MEIS2: variants seen among roughly 807,000 people sequenced by gnomAD.
MEIS2 encodes the protein Meis homeobox 2.
A neutral mutation model predicts 58.6 loss-of-function variants in MEIS2; 9 were observed. That is an observed-to-expected ratio of 0.15 (90% CI 0.09 to 0.27). MEIS2 has a LOEUF of 0.27. Ranked by LOEUF, MEIS2 falls within the 10% of genes least tolerant of loss-of-function variation. MEIS2 has a pLI of 1.00. For synonymous variants in MEIS2, 221 were observed against 228.4 expected (o/e 0.97, Z 0.29); for missense variants, 427 against 635.0 (o/e 0.67, Z 3.52).
At chr15:37,085,943 G>GA (rs1424784236) in intron 6 of MEIS2, among the ~76,000 whole-genome samples, 1 of 150,144 alleles carries the variant, frequency 6.7e-6, no homozygotes, top group African/African-American at 2.4e-5. Context: ...GAATTACATG[G>GA]AAAAAAAAAG....
At chr15:37,082,397 G>A (rs532062961) in intron 7 of MEIS2, among the ~76,000 whole-genome samples, 18 of 152,002 alleles carry the variant, frequency 1.2e-4, no homozygotes, top group Non-Finnish European at 2.4e-4. Flanking sequence ...CCTTTGTGTC[G>A]CCGCAATTTG....
intron 9 of MEIS2, among the ~76,000 whole-genome samples, chr15:36,938,754 G>T (rs1437180434): frequency 3.3e-5 from 5 of 152,096 alleles, no homozygotes; most frequent in Non-Finnish European, 7.4e-5. Flanking sequence ...AGATAGAAAG[G>T]ACCTTAAAAA....
intron 7 of MEIS2, among the ~76,000 whole-genome samples, chr15:37,082,380 A>C (rs1892348629): frequency 6.6e-6 from 1 of 151,990 alleles, no homozygotes; most frequent in African/African-American, 2.4e-5. Flanking sequence ...TAATAGATAC[A>C]TTTCACCCTT....
At chr15:37,031,571 G>C (rs1326233868) in intron 8 of MEIS2, among the ~76,000 whole-genome samples, 1 of 152,016 alleles carries the variant, frequency 6.6e-6, no homozygotes, top group African/African-American at 2.4e-5. Context: ...TGGGTGCACT[G>C]TCTCTGTAGG....
intron 7 of MEIS2, among the ~76,000 whole-genome samples, chr15:37,067,501 A>G (rs1409508670): frequency 6.6e-6 from 1 of 151,598 alleles, no homozygotes; most frequent in African/African-American, 2.4e-5. Context: ...CATACCTCCA[A>G]CTGAATTGGG....
intron 8 of MEIS2, among the ~76,000 whole-genome samples, chr15:36,987,407 CAAAAAAAAA>C (rs71126250): frequency 1.7e-5 from 2 of 115,828 alleles, no homozygotes; most frequent in African/African-American, 3.5e-5. Flanking sequence ...GACCCTGTCT[CAAAAAAAAA>C]AAAAAAAAAA....
intron 8 of MEIS2, among the ~76,000 whole-genome samples, chr15:36,993,082 A>G (rs962527956): frequency 6.6e-6 from 1 of 152,144 alleles, no homozygotes; most frequent in African/African-American, 2.4e-5. Flanking sequence ...TCTTCAAAAA[A>G]CGGCAGCAAA....
chr15:36,983,065 G>C (rs1264963682), intron 8 of MEIS2, among the ~76,000 whole-genome samples: 1 of 152,004 alleles, frequency 6.6e-6, no homozygotes, highest in African/African-American at 2.4e-5. Flanking sequence ...CAGCTGTGTG[G>C]TTTGCAGATA....
At chr15:37,076,263 G>A (rs967190656) in intron 7 of MEIS2, among the ~76,000 whole-genome samples, 9 of 151,888 alleles carry the variant, frequency 5.9e-5, no homozygotes, top group African/African-American at 1.7e-4. Context: ...AAGAAAGAAG[G>A]GGAAAAAATA....
intron 6 of MEIS2, among the ~76,000 whole-genome samples, chr15:37,088,061 A>T (rs2141932946): frequency 6.6e-6 from 1 of 152,286 alleles, no homozygotes; most frequent in East Asian, 1.9e-4. Flanking sequence ...AAAACATTAG[A>T]TTGGAATTAA....
intron 7 of MEIS2, among the ~76,000 whole-genome samples, chr15:37,051,917 AT>A (rs1324539648): frequency 6.6e-6 from 1 of 152,206 alleles, no homozygotes; most frequent in African/African-American, 2.4e-5. Flanking sequence ...TTTACAAAAA[AT>A]ATCTCCATTG....
At chr15:36,917,471 A>G (rs1414579896) in intron 9 of MEIS2, among the ~76,000 whole-genome samples, 3 of 150,406 alleles carry the variant, frequency 2.0e-5, no homozygotes, top group Admixed American at 2.0e-4. Context: ...ACCTGATTCA[A>G]CAGGCCCATG....
At chr15:36,938,505 A>C (rs2058258517) in intron 9 of MEIS2, among the ~76,000 whole-genome samples, 1 of 152,120 alleles carries the variant, frequency 6.6e-6, no homozygotes, top group African/African-American at 2.4e-5. Flanking sequence ...TTAGCCACCA[A>C]AACCTGCCAC....
intron 11 of MEIS2, among the ~76,000 whole-genome samples, chr15:36,892,777 G>T (rs1275951151): frequency 6.6e-6 from 1 of 152,066 alleles, no homozygotes; most frequent in Non-Finnish European, 1.5e-5. Flanking sequence ...ATTTTGAGTC[G>T]AGTTTTATCA....
intron 9 of MEIS2, among the ~76,000 whole-genome samples, chr15:36,939,087 A>T (rs1430884761): frequency 1.3e-5 from 2 of 152,120 alleles, no homozygotes; most frequent in African/African-American, 4.8e-5. Flanking sequence ...CTCTCGTACT[A>T]TTTCCATATG....
At position 36,889,651 on chromosome 15, in the gene MEIS2, T is replaced by C. The variant is rs1287369483; in HGVS notation, c.*2522A>G. ...TAACTTGATAATTGCATAAAACACA[T>C]CCTAAACACGAGCCAATTGCCAAGG... On this transcript the variant is annotated 3_prime_UTR_variant, in exon 12 of 12. Transcript: ENST00000561208. 1 of 151,902 alleles carries C rather than the reference T, an allele frequency of 6.6e-6. No individual in the cohort carries two copies. Among genetic ancestry groups the C allele is most frequent in the East Asian group, 1.9e-4 (1 of 5,184 alleles). The allele number at this position is 151,902 out of a possible 1,614,324, so 9.4% of individuals were successfully genotyped here.
chr15:37,006,661 C>A (rs927031839), intron 8 of MEIS2, among the ~76,000 whole-genome samples: 1 of 152,236 alleles, frequency 6.6e-6, no homozygotes, highest in African/African-American at 2.4e-5. Context: ...TTCCCTCTTA[C>A]AACTGACGTA....
In MEIS2 at chr15:37,094,520, T is replaced by C. The variant is rs1893957779; in HGVS notation, c.489+7A>G. ...AATCAACACGGGGAGCGTTATTTCC[T>C]GCTTACCTTTTCTAACTCCAAAAGA... On this transcript the variant is annotated splice_region_variant and intron_variant, in intron 5 of 11. Transcript: ENST00000561208. 8 of 1,612,826 alleles carry C rather than the reference T, an allele frequency of 5.0e-6. No homozygotes were observed. Among genetic ancestry groups the C allele is most frequent in the Non-Finnish European group, 4.2e-6 (5 of 1,179,374 alleles).
At chr15:37,049,529 C>T (rs1351430705) in intron 7 of MEIS2, among the ~76,000 whole-genome samples, 1 of 151,818 alleles carries the variant, frequency 6.6e-6, no homozygotes. Context: ...CTCTGTCTCC[C>T]AGGCCGGAGT....
Sources: gnomAD v4.1 joint callset for allele counts (sites outside exome capture counted in the v4.1 genomes callset) on GRCh38, gnomAD v4.1.1 for gene constraint, MANE v1.5 for transcripts, NCBI Gene and HGNC (gene_info 2026-07-23, HGNC 2026-07-21) for gene names.